Variants in PTPRT observed in about 807,000 individuals in gnomAD.
PTPRT encodes the protein receptor-type tyrosine-protein phosphatase T.
A neutral mutation model predicts 176.8 loss-of-function variants in PTPRT; 56 were observed. The observed-to-expected ratio is 0.32, with a 90% CI of 0.26 to 0.40. The LOEUF (loss-of-function observed/expected upper bound fraction) is 0.40, where lower values mean the gene tolerates loss of function less well. Among genes scored for constraint, PTPRT ranks in the 10% least tolerant of loss-of-function variants. The probability of loss-of-function intolerance (pLI) is 1.00; values close to 1 mark genes in which losing one functional copy is unlikely to be tolerated. For missense variants in PTPRT, 1,540 were observed against 1,908.2 expected, an observed-to-expected ratio of 0.81 and a Z score of 3.60; for synonymous variants, 783 against 739.0, an observed-to-expected ratio of 1.06 and a Z score of -0.96.
At chr20:42,704,253 C>T (rs1204687333) in intron 6 of PTPRT, among the ~76,000 whole-genome samples, 1 of 151,942 alleles carries the variant, frequency 6.6e-6, no homozygotes, top group Non-Finnish European at 1.5e-5. Context: ...AAAAACTCCA[C>T]CCCCTTGATG....
At chr20:42,330,434 C>T (rs1020070151) in intron 11 of PTPRT, among the ~76,000 whole-genome samples, 2 of 152,022 alleles carry the variant, frequency 1.3e-5, no homozygotes, top group African/African-American at 4.8e-5. Context: ...CAGGATCACG[C>T]CACTGCACTC....
intron 9 of PTPRT, among the ~76,000 whole-genome samples, chr20:42,397,841 T>C (rs962628685): frequency 3.9e-5 from 6 of 152,208 alleles, no homozygotes; most frequent in Non-Finnish European, 8.8e-5. Context: ...GTAGTTCAAC[T>C]CTTGGTTCGT....
At chr20:42,259,650 T>C (rs1410004558) in intron 13 of PTPRT, among the ~76,000 whole-genome samples, 1 of 152,160 alleles carries the variant, frequency 6.6e-6, no homozygotes, top group Non-Finnish European at 1.5e-5. Context: ...CTTTGTAGAC[T>C]GGGTTAGGTT....
chr20:42,508,945 A>G, intron 7 of PTPRT, among the ~76,000 whole-genome samples: 1 of 142,262 alleles, frequency 7.0e-6, no homozygotes, highest in South Asian at 2.1e-4. Flanking sequence ...TTATAAATAT[A>G]ATTTATATTT....
rs371057344 is a variant in PTPRT at position 42,816,380 on chromosome 20, T to C, written c.215-24914A>G. ...CGGTTTGGTTTTGCAATGAAACAAT[T>C]TACACAGTAAGAATAATGGAAGAGC... On this transcript the variant is annotated intron_variant, in intron 2 of 30. Transcript: ENST00000373187. Among the ~76,000 whole-genome samples the C allele has an allele frequency of 3.9e-5, 6 of 152,278 alleles. No individual in the cohort carries two copies. In the East Asian group the frequency reaches 9.6e-4, roughly 24 times the overall value.
chr20:42,329,538 G>A (rs1157916260), intron 11 of PTPRT, among the ~76,000 whole-genome samples: 1 of 149,770 alleles, frequency 6.7e-6, no homozygotes, highest in African/African-American at 2.5e-5. Flanking sequence ...CAACATCACC[G>A]TTCAGTAAGA....
At chr20:42,726,057 T>TTTATTATTATTATTA (rs59329244) in intron 6 of PTPRT, among the ~76,000 whole-genome samples, 2 of 142,286 alleles carry the variant, frequency 1.4e-5, no homozygotes, top group Admixed American at 1.4e-4. Context: ...TGTGGGCATC[T>TTTATTATTATTATTA]TTATTATTAT....
chr20:42,713,981 C>A (rs1277043336), intron 6 of PTPRT, among the ~76,000 whole-genome samples: 2 of 152,162 alleles, frequency 1.3e-5, no homozygotes, highest in African/African-American at 4.8e-5. Flanking sequence ...AATTAAATCT[C>A]TTTCTTTATA....
At chr20:42,069,881 C>T (rs1383968409), downstream of PTPRT, among the ~76,000 whole-genome samples, 1 of 152,130 alleles carries the variant, frequency 6.6e-6, no homozygotes, top group Non-Finnish European at 1.5e-5. Context: ...CCATGCTTTT[C>T]TCTGTCTCCA....
chr20:42,254,495 T>C (rs1305666280), intron 13 of PTPRT, among the ~76,000 whole-genome samples: 1 of 152,170 alleles, frequency 6.6e-6, no homozygotes, highest in Non-Finnish European at 1.5e-5. Context: ...GGATTTTTCA[T>C]CTTAGGGAAG....
At chr20:42,578,891 T>G in intron 7 of PTPRT, among the ~76,000 whole-genome samples, 1 of 128,210 alleles carries the variant, frequency 7.8e-6, no homozygotes, top group Admixed American at 8.1e-5. Flanking sequence ...GTCTTGCAAG[T>G]TTTTTTTTTT....
chr20:42,608,061 A>G (rs1203096223), intron 7 of PTPRT, among the ~76,000 whole-genome samples: 1 of 152,166 alleles, frequency 6.6e-6, no homozygotes, highest in African/African-American at 2.4e-5. Context: ...AGATGATGAA[A>G]CTGAGACTCA....
intron 2 of PTPRT, among the ~76,000 whole-genome samples, chr20:42,794,856 G>T (rs2077429959): frequency 8.5e-6 from 1 of 117,476 alleles, no homozygotes; most frequent in African/African-American, 3.3e-5. Flanking sequence ...CTAGTGTAAG[G>T]TCTTGGGGGT....
intron 9 of PTPRT, among the ~76,000 whole-genome samples, chr20:42,379,569 C>T (rs925826017): frequency 1.3e-5 from 2 of 152,210 alleles, no homozygotes; most frequent in Admixed American, 6.5e-5. Flanking sequence ...AGCAGGAGCT[C>T]GGTCTCCAGC....
rs76274033 is a variant in PTPRT, at chr20:42,859,385, C to G, written c.214+26422G>C. On this transcript the variant is annotated intron_variant, in intron 2 of 30. Transcript: ENST00000373187. Reference sequence around the variant, plus strand: ...TCAGAAACTTTTTAAGTTGTTGTCCCTAAATATTGTACCAACTTGTACTTA... The same window carrying G: ...TCAGAAACTTTTTAAGTTGTTGTCCGTAAATATTGTACCAACTTGTACTTA... Among the ~76,000 whole-genome samples, 8 of 152,208 alleles carry G rather than the reference C, an allele frequency of 5.3e-5. No homozygotes were observed. In the East Asian group the frequency reaches 1.5e-3, roughly 29 times the overall value.
chr20:42,569,112 A>ATATATATAT (rs1344948586), intron 7 of PTPRT, among the ~76,000 whole-genome samples: 16 of 113,986 alleles, frequency 1.4e-4, no homozygotes, highest in Admixed American at 2.0e-4. Context: ...ATATATATAT[A>ATATATATAT]ATTTCAACTT....
intron 6 of PTPRT, chr20:42,687,853 A>T (rs1331081388): frequency 6.6e-6 from 1 of 152,262 alleles, no homozygotes; most frequent in East Asian, 1.9e-4. Flanking sequence ...ACTGTCACGC[A>T]GCAAGGACAA....
At chr20:42,949,839 C>T (rs746591073) in intron 1 of PTPRT, among the ~76,000 whole-genome samples, 1 of 152,284 alleles carries the variant, frequency 6.6e-6, no homozygotes, top group Middle Eastern at 3.4e-3. Context: ...CAGAAAAAAT[C>T]TCTATTGTAG....
chr20:42,472,361 AG>A lies in PTPRT; in HGVS notation c.1354del (p.Leu452CysfsTer5). The A allele has an allele frequency of 6.2e-7, 1 of 1,614,212 alleles. No individual in the cohort carries two copies. The highest frequency in any genetic ancestry group is 8.5e-7 in the Non-Finnish European group (1 of 1,180,044). On this transcript the variant is annotated frameshift_variant, in exon 8 of 31. Coordinates refer to ENST00000373187, the MANE Select transcript of PTPRT (RefSeq NM_007050.6). LOFTEE classifies it high-confidence loss of function. ...QTSSHYTLRGLRPFMTIRLRL... is the reference protein window; with the variant it reads ...QTSSHYTLRGXRPFMTIRLRL... ...CAGCCGGATGGTCATGAAGGGGCGCAGGCCTCGCAGGGTGTAGTGGGAGGAG... is the reference window on the plus strand; with the variant it reads ...CAGCCGGATGGTCATGAAGGGGCGCAGCCTCGCAGGGTGTAGTGGGAGGAG...
Sources: allele counts gnomAD v4.1 joint callset (sites outside exome capture counted in the v4.1 genomes callset), GRCh38; gene constraint gnomAD v4.1.1; transcripts MANE v1.5; gene names NCBI Gene and HGNC (gene_info 2026-07-23, HGNC 2026-07-21).